The following NFATC3 variants were observed in gnomAD, a reference collection of about 807,000 sequenced individuals.
NFATC3 encodes the protein nuclear factor of activated T cells 3.
A neutral mutation model predicts 98.6 loss-of-function variants in NFATC3; 46 were observed. The ratio of observed to expected loss-of-function variants is 0.47; its 90% CI spans 0.37 to 0.60. The LOEUF (loss-of-function observed/expected upper bound fraction) is 0.60, where lower values mean the gene tolerates loss of function less well. NFATC3 is among the 20% of genes least tolerant of loss of function. The pLI, the probability that NFATC3 is intolerant of heterozygous loss-of-function variation, is 0.00. For missense variants in NFATC3, 1,256 were observed against 1,295.5 expected (o/e 0.97, Z 0.47); for synonymous variants, 512 against 472.2 (o/e 1.08, Z -1.09).
At chr16:68,113,531 G>T (rs1395918283) in intron 1 of NFATC3, among the ~76,000 whole-genome samples, 1 of 152,222 alleles carries the variant, frequency 6.6e-6, no homozygotes, top group Non-Finnish European at 1.5e-5. Context: ...TCAGGTGCCT[G>T]GTGACCCCAG....
At chr16:68,202,072 A>G (rs1158300267) in intron 9 of NFATC3, among the ~76,000 whole-genome samples, 4 of 151,828 alleles carry the variant, frequency 2.6e-5, no homozygotes, top group African/African-American at 7.3e-5. Flanking sequence ...TCCTGTTACA[A>G]CTTTCCATTA....
rs2151188523 is a variant in NFATC3 at position 68,226,960 on chromosome 16, A to C, written c.*489A>C. 6.6e-6 allele frequency: 1 copy of C among 151,150 alleles called. No homozygotes were observed. Among genetic ancestry groups the C allele is most frequent in the African/African-American group, 2.4e-5 (1 of 41,474 alleles). The allele number at this position is 151,150 out of a possible 1,614,324, so 9.4% of individuals were successfully genotyped here. A position where few individuals can be genotyped will look rare whatever the true frequency, so the allele number is the denominator to read the frequency against. The stretch of plus-strand genomic sequence containing the variant: ...AAAAGAAAAAAAGAAAAAGAAAAAA[A>C]TATCCCAAGCCCACACCTATGCCTC... On this transcript the variant is annotated 3_prime_UTR_variant, in exon 10 of 10. Transcript: ENST00000346183.
chr16:68,121,874 CT>C, intron 1 of NFATC3, 112 bp from the exon 2 acceptor site: 1 of 1,300,048 alleles, frequency 7.7e-7, no homozygotes, highest in Non-Finnish European at 1.0e-6. Flanking sequence ...TTATATCCCA[CT>C]TTTTTCTCTC....
intron 3 of NFATC3, among the ~76,000 whole-genome samples, chr16:68,153,647 T>C (rs2038458548): frequency 6.6e-6 from 1 of 152,170 alleles, no homozygotes; most frequent in African/African-American, 2.4e-5. Flanking sequence ...AGAGTCTCGC[T>C]CTGTCGCCCA....
chr16:68,122,013 A>T lies in NFATC3; in HGVS notation c.130A>T (p.Ile44Phe). Residue 44 changes from isoleucine (I) to phenylalanine (F), a missense_variant, in exon 2 of 10, where the codon ATT becomes TTT. Ile to Phe is a conservative substitution (Grantham distance 21). Transcript: ENST00000346183. ...ADLEPDDCAS[I>F]YIFNVDPPPS... is the part of the protein sequence containing the mutation. Reference sequence around the variant, plus strand: ...TCTTGAGCCAGATGATTGTGCATCCATTTACATCTTTAATGTAGATCCACC... The same window carrying T: ...TCTTGAGCCAGATGATTGTGCATCCTTTTACATCTTTAATGTAGATCCACC... 2 of 1,609,406 alleles carry T rather than the reference A, an allele frequency of 1.2e-6. No individual in the cohort carries two copies. The highest frequency in any genetic ancestry group is 2.2e-5 in the South Asian group (2 of 90,804).
chr16:68,095,413 C>T (rs1319724892), intron 1 of NFATC3, among the ~76,000 whole-genome samples: 1 of 141,488 alleles, frequency 7.1e-6, no homozygotes, highest in Non-Finnish European at 1.5e-5. Context: ...AGCACAGTGG[C>T]ACAATCTCTG....
At chr16:68,089,795 A>G (rs2034604794) in intron 1 of NFATC3, among the ~76,000 whole-genome samples, 1 of 152,156 alleles carries the variant, frequency 6.6e-6, no homozygotes, top group African/African-American at 2.4e-5. Flanking sequence ...TGTTATAATA[A>G]TCTGTACTTT....
At chr16:68,217,979 C>T in intron 9 of NFATC3, 1 of 1,203,056 alleles carries the variant, frequency 8.3e-7, no homozygotes, top group Non-Finnish European at 1.0e-6. Context: ...TAGCAGCCTA[C>T]CATAGATACC....
intron 9 of NFATC3, chr16:68,214,295 C>G (rs2041541826): frequency 1.9e-6 from 3 of 1,544,998 alleles, no homozygotes; most frequent in South Asian, 1.1e-5. Context: ...CTGGTTTGTT[C>G]CATTCAGTAG....
intron 7 of NFATC3, 47 bp downstream of exon 7, chr16:68,181,577 A>G: frequency 8.3e-6 from 11 of 1,328,662 alleles, no homozygotes; most frequent in Non-Finnish European, 1.2e-5. Flanking sequence ...GACACTGAAT[A>G]GAAAATTGAA....
At chr16:68,225,362 T>A (rs1420696794) in intron 9 of NFATC3, 2 of 152,256 alleles carry the variant, frequency 1.3e-5, no homozygotes, top group African/African-American at 4.8e-5. Flanking sequence ...TCTGTCTCTA[T>A]GGATTGGCCT....
intron 1 of NFATC3, among the ~76,000 whole-genome samples, chr16:68,121,191 G>A (rs572697978): frequency 1.4e-5 from 2 of 146,498 alleles, no homozygotes; most frequent in East Asian, 4.0e-4. Flanking sequence ...GCTACATTGA[G>A]TTGGATTTTC....
chr16:68,177,041 T>G (rs2039747878), intron 6 of NFATC3, among the ~76,000 whole-genome samples: 2 of 150,918 alleles, frequency 1.3e-5, no homozygotes, highest in South Asian at 4.2e-4. Flanking sequence ...TCTTTTTTTT[T>G]TTTTTGTTTT....
Position 68,203,611 on chromosome 16 carries a change from C to T in NFATC3, c.3106+11836C>T, listed in dbSNP as rs968990043. 4.6e-5 allele frequency among the ~76,000 whole-genome samples: 7 copies of T among 151,936 alleles called. No homozygotes were observed. The East Asian group carries it at 7.7e-4, about 17-fold the overall frequency. On this transcript the variant is annotated intron_variant, in intron 9 of 9. Coordinates refer to ENST00000346183, the MANE Select transcript of NFATC3 (RefSeq NM_173165.3). ...TCATGCCACTGCACTTCAACTTGGG[C>T]GACAGAGTGAGACCCTGTCTCAAAA...
intron 9 of NFATC3, chr16:68,192,209 GGA>G (rs1567542815): frequency 5.9e-5 from 2 of 33,870 alleles, no homozygotes; most frequent in African/African-American, 2.8e-4. Flanking sequence ...CTCCGTCTCG[GGA>G]AAAAAAAAAA....
intron 5 of NFATC3, among the ~76,000 whole-genome samples, chr16:68,169,809 C>T (rs1427507571): frequency 6.6e-6 from 1 of 151,974 alleles, no homozygotes; most frequent in Non-Finnish European, 1.5e-5. Context: ...GGCATGGTGG[C>T]ACGTGCCTGT....
intron 4 of NFATC3, among the ~76,000 whole-genome samples, chr16:68,160,775 C>A (rs2038855212): frequency 6.6e-6 from 1 of 152,058 alleles, no homozygotes; most frequent in Non-Finnish European, 1.5e-5. Flanking sequence ...ACCTCTGCCT[C>A]CCAGGCTCAA....
In NFATC3 at chr16:68,135,185, G is replaced by A. The variant is rs554456362; in HGVS notation, c.1401+8575G>A. Among the ~76,000 whole-genome samples, 26 of 152,088 alleles carry A rather than the reference G, an allele frequency of 1.7e-4. No individual in the cohort carries two copies. In the South Asian group the frequency reaches 4.2e-3, roughly 24 times the overall value. ...AAATGAAACTGAACTGTGGCCGGGC[G>A]CGGTGGCTCACGCATGTAATCCCAG... is the stretch of plus-strand genomic sequence containing the variant. On this transcript the variant is annotated intron_variant, in intron 3 of 9. Transcript: ENST00000346183.
intron 5 of NFATC3, among the ~76,000 whole-genome samples, chr16:68,171,028 G>C (rs1441643789): frequency 1.3e-5 from 2 of 151,950 alleles, no homozygotes; most frequent in Non-Finnish European, 2.9e-5. Context: ...ATTTTTTTGA[G>C]ATGGAGTCTT....
Sources: gnomAD v4.1 joint callset for allele counts (sites outside exome capture counted in the v4.1 genomes callset) on GRCh38, gnomAD v4.1.1 for gene constraint, MANE v1.5 for transcripts, NCBI Gene and HGNC (gene_info 2026-07-23, HGNC 2026-07-21) for gene names.